The following SLCO5A1 variants were observed in gnomAD, a reference collection of about 807,000 sequenced individuals.
SLCO5A1 encodes organic anion transporter polypeptide-related protein 4.
A neutral mutation model predicts 65.1 loss-of-function variants in SLCO5A1; 39 were observed. The observed-to-expected ratio is 0.60, with a 90% confidence interval of 0.46 to 0.78. The LOEUF (loss-of-function observed/expected upper bound fraction) is 0.78, where lower values mean the gene tolerates loss of function less well. SLCO5A1 is among the 30% of genes least tolerant of loss of function. SLCO5A1 has a pLI of 0.00. For synonymous variants in SLCO5A1, 438 were observed against 415.7 expected (o/e 1.05, Z -0.65); for missense variants, 1,029 against 1,069.4 (o/e 0.96, Z 0.53).
chr8:69,802,375 G>A (rs914459016), intron 2 of SLCO5A1, among the ~76,000 whole-genome samples: 21 of 151,498 alleles, frequency 1.4e-4, no homozygotes, highest in African/African-American at 2.4e-4. Flanking sequence ...GCGTGGTGGC[G>A]CATGCCTGCA....
At chr8:69,711,458 C>T (rs1815253743) in intron 5 of SLCO5A1, among the ~76,000 whole-genome samples, 1 of 152,104 alleles carries the variant, frequency 6.6e-6, no homozygotes, top group African/African-American at 2.4e-5. Flanking sequence ...GGGAAAAGGC[C>T]ATCAATGGAT....
chr8:69,672,958 TCTGTGCTGCGCA>T lies in SLCO5A1; in HGVS notation c.2446_2457del (p.Cys816_Gln819del). The T allele has an allele frequency of 6.2e-7, 1 of 1,614,194 alleles. No homozygotes were observed. The highest frequency in any genetic ancestry group is 8.5e-7 in the Non-Finnish European group (1 of 1,180,036). ...GCTTCTGGGAAGGGCCCCGGGTAGG[TCTGTGCTGCGCA>T]CTGGATCCCTTTTTGCAGGCCAGTC... On this transcript the variant is annotated inframe_deletion, in exon 10 of 10. Transcript: ENST00000260126.
intron 5 of SLCO5A1, among the ~76,000 whole-genome samples, chr8:69,733,375 A>G (rs908139879): frequency 6.6e-6 from 1 of 152,202 alleles, no homozygotes; most frequent in African/African-American, 2.4e-5. Flanking sequence ...ACATAGAGAG[A>G]GACAGGGGAG....
At chr8:69,816,412 A>C (rs1200985181) in intron 2 of SLCO5A1, among the ~76,000 whole-genome samples, 1 of 152,200 alleles carries the variant, frequency 6.6e-6, no homozygotes, top group Non-Finnish European at 1.5e-5. Context: ...GCACCACCTG[A>C]GTATTGTAAA....
intron 5 of SLCO5A1, among the ~76,000 whole-genome samples, chr8:69,715,113 C>T (rs1253472140): frequency 1.3e-5 from 2 of 152,134 alleles, no homozygotes; most frequent in African/African-American, 2.4e-5. Flanking sequence ...TGCATCCACG[C>T]GATAAACCCA....
intron 9 of SLCO5A1, among the ~76,000 whole-genome samples, chr8:69,676,343 G>A (rs967624156): frequency 1.3e-5 from 2 of 152,082 alleles, no homozygotes; most frequent in African/African-American, 4.8e-5. Context: ...TTCTTACTGT[G>A]CAAAATTCTG....
At chr8:69,789,281 AC>A (rs1489710708) in intron 2 of SLCO5A1, among the ~76,000 whole-genome samples, 1 of 152,186 alleles carries the variant, frequency 6.6e-6, no homozygotes, top group East Asian at 1.9e-4. Context: ...AACAATTTTG[AC>A]CCATACTGTC....
chr8:69,791,798 A>G (rs1476100973), intron 2 of SLCO5A1, among the ~76,000 whole-genome samples: 1 of 152,234 alleles, frequency 6.6e-6, no homozygotes, highest in East Asian at 1.9e-4. Flanking sequence ...CCAAGAATTT[A>G]AAGACCTTCT....
intron 5 of SLCO5A1, among the ~76,000 whole-genome samples, chr8:69,730,581 C>G (rs991676523): frequency 6.6e-6 from 1 of 152,174 alleles, no homozygotes; most frequent in Admixed American, 6.5e-5. Flanking sequence ...TTAGCCTGAG[C>G]TGTCTTGCCA....
intron 2 of SLCO5A1, among the ~76,000 whole-genome samples, chr8:69,813,761 A>G (rs1820304039): frequency 6.6e-6 from 1 of 152,210 alleles, no homozygotes; most frequent in Non-Finnish European, 1.5e-5. Flanking sequence ...CCAAAGTACT[A>G]GAACACTTAA....
chr8:69,759,867 C>T (rs1176607642), intron 3 of SLCO5A1, among the ~76,000 whole-genome samples: 3 of 152,112 alleles, frequency 2.0e-5, no homozygotes, highest in Non-Finnish European at 4.4e-5. Flanking sequence ...AGGGTTATCT[C>T]GAACTCCTGA....
chr8:69,687,939 T>C (rs1467555778), intron 6 of SLCO5A1, among the ~76,000 whole-genome samples: 1 of 152,022 alleles, frequency 6.6e-6, no homozygotes, highest in East Asian at 1.9e-4. Flanking sequence ...AGTTTAATGA[T>C]ACTCATAGGC....
At chr8:69,681,387 A>G (rs1813754784) in intron 7 of SLCO5A1, among the ~76,000 whole-genome samples, 1 of 152,162 alleles carries the variant, frequency 6.6e-6, no homozygotes, top group Non-Finnish European at 1.5e-5. Context: ...TGAGGTCGGG[A>G]GTTCGAAACC....
At chr8:69,674,519 T>C (rs1813467423) in intron 9 of SLCO5A1, among the ~76,000 whole-genome samples, 2 of 152,300 alleles carry the variant, frequency 1.3e-5, no homozygotes, top group South Asian at 2.1e-4. Context: ...TGGGGGGAAA[T>C]GAAAATTGGC....
rs772738616 is a variant in SLCO5A1, at chr8:69,672,941, G to A, written c.2475C>T (p.Phe825=). The change falls in exon 10 of 10, where the codon TTC becomes TTT. Residue 825 remains phenylalanine (F), a synonymous_variant. Coordinates refer to ENST00000260126, the MANE Select transcript of SLCO5A1 (RefSeq NM_030958.3). ...CCGCAGAGGAACTTATTGCTTCTGG[G>A]AAGGGCCCCGGGTAGGTCTGTGCTG... ...QCAAQTYPGP[F]PEAISSSADP... is the part of the protein sequence containing the mutation. The A allele has an allele frequency of 3.7e-6, 6 of 1,614,232 alleles. No individual in the cohort carries two copies. The highest frequency in any genetic ancestry group is 5.1e-6 in the Non-Finnish European group (6 of 1,180,044).
intron 3 of SLCO5A1, among the ~76,000 whole-genome samples, chr8:69,756,252 A>G (rs1586762914): frequency 1.3e-5 from 2 of 152,140 alleles, no homozygotes; most frequent in Non-Finnish European, 2.9e-5. Context: ...TAGAAATACA[A>G]AAATTAGCCA....
intron 2 of SLCO5A1, among the ~76,000 whole-genome samples, chr8:69,769,776 A>G (rs1348320476): frequency 6.6e-6 from 1 of 152,160 alleles, no homozygotes. Context: ...CTTTCCTTGC[A>G]GAAAGGCCAG....
intron 2 of SLCO5A1, among the ~76,000 whole-genome samples, chr8:69,766,656 C>G (rs1818072113): frequency 6.6e-6 from 1 of 152,216 alleles, no homozygotes; most frequent in East Asian, 1.9e-4. Context: ...GCCACCTCAA[C>G]TAAAAATTAA....
intron 2 of SLCO5A1, among the ~76,000 whole-genome samples, chr8:69,800,863 T>C (rs1364748698): frequency 1.3e-5 from 2 of 152,134 alleles, no homozygotes; most frequent in Non-Finnish European, 2.9e-5. Flanking sequence ...CCTGGATATA[T>C]ACCTTGCAGA....
Sources: gnomAD v4.1 joint callset for allele counts (sites outside exome capture counted in the v4.1 genomes callset) on GRCh38, gnomAD v4.1.1 for gene constraint, MANE v1.5 for transcripts, NCBI Gene and HGNC (gene_info 2026-07-23, HGNC 2026-07-21) for gene names.